FRMD4B: variants seen among roughly 807,000 people sequenced by gnomAD.
FRMD4B encodes the protein FERM domain containing 4B, also known as FERM domain-containing protein 4B.
A neutral mutation model predicts 141.5 loss-of-function variants in FRMD4B; 74 were observed. The ratio of observed to expected loss-of-function variants is 0.52; its 90% CI spans 0.43 to 0.63. The LOEUF is 0.63. Among genes scored for constraint, FRMD4B ranks in the 30% least tolerant of loss-of-function variants. The pLI is 0.00. For missense variants in FRMD4B, 1,366 were observed against 1,253.4 expected, an observed-to-expected ratio of 1.09 and a Z score of -1.36; for synonymous variants, 506 against 467.9, an observed-to-expected ratio of 1.08 and a Z score of -1.05.
At position 69,201,999 on chromosome 3, in the gene FRMD4B, T is replaced by C. The variant is rs148892823; in HGVS notation, c.877-3225A>G. Among the ~76,000 whole-genome samples, 740 of 152,114 alleles carry C rather than the reference T, an allele frequency of 4.9e-3. 9 individuals carry two copies. Among genetic ancestry groups the C allele is most frequent in the African/African-American group, 0.017 (712 of 41,498 alleles). On this transcript the variant is annotated intron_variant, in intron 11 of 22. Transcript: ENST00000398540. ...CGGGTGGATCACCTGAGGTCAGGAG[T>C]TCGGGACCAGCCTGAACAACATGGT...
intron 1 of FRMD4B, among the ~76,000 whole-genome samples, chr3:69,332,725 C>A (rs1575738950): frequency 6.7e-6 from 1 of 148,926 alleles, no homozygotes; most frequent in Admixed American, 6.7e-5. Flanking sequence ...TACAGGTGTG[C>A]ACCACCACAC....
chr3:69,396,506 T>TAAA (rs34819810), intron 2 of FRMD4B, among the ~76,000 whole-genome samples: 2 of 138,102 alleles, frequency 1.4e-5, no homozygotes, highest in African/African-American at 5.3e-5. Context: ...CTCTGTCTCA[T>TAAA]AAAAAAAAAA....
chr3:69,466,553 T>A (rs529780700), intron 1 of FRMD4B, among the ~76,000 whole-genome samples: 14 of 152,334 alleles, frequency 9.2e-5, no homozygotes, highest in Non-Finnish European at 1.9e-4. Context: ...AATAGGGTAC[T>A]AATATAGCAC....
chr3:69,319,689 A>T (rs1374239515), intron 1 of FRMD4B, among the ~76,000 whole-genome samples: 2 of 152,228 alleles, frequency 1.3e-5, no homozygotes, highest in African/African-American at 4.8e-5. Context: ...AATTCTCATG[A>T]TGCTTACATG....
At chr3:69,215,030 C>A (rs892134022) in intron 11 of FRMD4B, among the ~76,000 whole-genome samples, 3 of 151,636 alleles carry the variant, frequency 2.0e-5, no homozygotes, top group Non-Finnish European at 4.4e-5. Flanking sequence ...TACGCGCATG[C>A]CGCTATGCCC....
intron 1 of FRMD4B, among the ~76,000 whole-genome samples, chr3:69,379,368 T>C (rs116772573): frequency 0.011 from 1,658 of 152,266 alleles, 18 homozygotes; most frequent in African/African-American, 0.038. Flanking sequence ...AGCTTTAGCC[T>C]CCCAGGTTCA....
intron 11 of FRMD4B, among the ~76,000 whole-genome samples, chr3:69,212,380 A>AAAAAAAAAAAAAAAAAC (rs1559721543): frequency 1.3e-5 from 1 of 76,698 alleles, no homozygotes; most frequent in Non-Finnish European, 2.5e-5. Flanking sequence ...AAAAAAAAAA[A>AAAAAAAAAAAAAAAAAC]GAAAAAAAAA....
At chr3:69,404,581 CTT>C in intron 2 of FRMD4B, among the ~76,000 whole-genome samples, 1 of 152,170 alleles carries the variant, frequency 6.6e-6, no homozygotes, top group South Asian at 2.1e-4. Flanking sequence ...AAAGCTGAAA[CTT>C]AGGTTAAGGG....
chr3:69,302,223 T>C (rs1357269179), intron 4 of FRMD4B, 120 bp downstream of exon 4: 1 of 667,224 alleles, frequency 1.5e-6, no homozygotes, highest in Non-Finnish European at 2.7e-6. Flanking sequence ...GATAGGTCTC[T>C]TCTCTTTTTA....
chr3:69,358,831 A>T (rs1483025851), intron 1 of FRMD4B, among the ~76,000 whole-genome samples: 1 of 152,204 alleles, frequency 6.6e-6, no homozygotes, highest in Admixed American at 6.5e-5. Flanking sequence ...ATGAGTTATC[A>T]TGGAGGTGGG....
At chr3:69,250,587 A>G (rs988390384) in intron 5 of FRMD4B, among the ~76,000 whole-genome samples, 2 of 152,168 alleles carry the variant, frequency 1.3e-5, no homozygotes, top group Admixed American at 6.5e-5. Context: ...TTCTGTGTCA[A>G]TGACACATTG....
intron 21 of FRMD4B, among the ~76,000 whole-genome samples, chr3:69,179,169 G>T (rs901915515): frequency 9.9e-5 from 15 of 152,076 alleles, no homozygotes; most frequent in Admixed American, 9.8e-4. Flanking sequence ...TTGGTCTGTG[G>T]GGCCACATCT....
intron 7 of FRMD4B, among the ~76,000 whole-genome samples, chr3:69,229,451 AC>A (rs1324315562): frequency 1.3e-5 from 2 of 152,094 alleles, no homozygotes; most frequent in African/African-American, 4.8e-5. Flanking sequence ...ATATAACATC[AC>A]TTTCCTATAA....
At chr3:69,218,229 G>A (rs755033177) in intron 10 of FRMD4B, 93 bp downstream of exon 10, 10 of 662,388 alleles carry the variant, frequency 1.5e-5, no homozygotes, top group Non-Finnish European at 2.6e-5. Context: ...CAAAAGGCAA[G>A]ATATAATCAG....
At chr3:69,536,393 T>C (rs955212708) in intron 1 of FRMD4B, 2 of 714,416 alleles carry the variant, frequency 2.8e-6, no homozygotes, top group South Asian at 1.5e-5. Flanking sequence ...CACATGCCAG[T>C]GGCCAGCGCC....
chr3:69,316,500 T>TAA (rs200299553), intron 1 of FRMD4B, among the ~76,000 whole-genome samples: 1 of 127,804 alleles, frequency 7.8e-6, no homozygotes. Flanking sequence ...AATGTCTAAC[T>TAA]AAAAAAAAAA....
chr3:69,278,619 C>T (rs528561572), intron 5 of FRMD4B, among the ~76,000 whole-genome samples: 25 of 142,558 alleles, frequency 1.8e-4, no homozygotes, highest in Non-Finnish European at 3.7e-4. Context: ...TTTTTTTTTG[C>T]CCTGCCGCTC....
At chr3:69,184,900 G>A (rs2092748395) in intron 19 of FRMD4B, among the ~76,000 whole-genome samples, 2 of 152,166 alleles carry the variant, frequency 1.3e-5, no homozygotes, top group East Asian at 3.8e-4. Context: ...GGCTAGCATG[G>A]CTGTAGCTCC....
intron 1 of FRMD4B, among the ~76,000 whole-genome samples, chr3:69,529,535 CTG>C (rs1700983128): frequency 1.3e-5 from 2 of 152,154 alleles, no homozygotes; most frequent in African/African-American, 4.8e-5. Context: ...CCCCACTGTG[CTG>C]CCCACACTGC....
Sources: allele counts gnomAD v4.1 joint callset (sites outside exome capture counted in the v4.1 genomes callset), GRCh38; gene constraint gnomAD v4.1.1; transcripts MANE v1.5; gene names NCBI Gene and HGNC (gene_info 2026-07-23, HGNC 2026-07-21).